Variants in SYNPO2 observed in about 807,000 individuals in gnomAD.
SYNPO2 encodes the protein synaptopodin-2.
Under a neutral mutation model 85.0 loss-of-function variants are expected in SYNPO2, and 56 were observed. That is an observed-to-expected ratio of 0.66 (90% CI 0.53 to 0.82). The LOEUF is 0.82. Ranked by LOEUF, SYNPO2 falls within the 40% of genes least tolerant of loss-of-function variation. SYNPO2 has a pLI of 0.00. For missense variants in SYNPO2, 1,575 were observed against 1,534.2 expected, an observed-to-expected ratio of 1.03 and a Z score of -0.44; for synonymous variants, 602 against 591.1, an observed-to-expected ratio of 1.02 and a Z score of -0.27.
intron 1 of SYNPO2, among the ~76,000 whole-genome samples, chr4:119,007,395 CA>C (rs1489799464): frequency 1.4e-5 from 2 of 143,896 alleles, no homozygotes; most frequent in Non-Finnish European, 3.0e-5. Context: ...ATGTTAAAAA[CA>C]AAAACAAAAA....
At chr4:118,975,545 G>C (rs1057053352) in intron 1 of SYNPO2, among the ~76,000 whole-genome samples, 19 of 152,180 alleles carry the variant, frequency 1.2e-4, no homozygotes, top group African/African-American at 4.3e-4. Context: ...CGAAATTCAA[G>C]AGCAGGACTT....
intron 1 of SYNPO2, among the ~76,000 whole-genome samples, chr4:118,903,513 G>A (rs1193665425): frequency 6.6e-6 from 1 of 152,188 alleles, no homozygotes; most frequent in Non-Finnish European, 1.5e-5. Flanking sequence ...ACAAAAGCCA[G>A]ATGGAACAAC....
chr4:119,051,391 G>A (rs1319264933), intron 4 of SYNPO2, among the ~76,000 whole-genome samples: 1 of 150,734 alleles, frequency 6.6e-6, no homozygotes, highest in Non-Finnish European at 1.5e-5. Flanking sequence ...GGGTTTCACC[G>A]TTTTTTAGCC....
intron 2 of SYNPO2, 52 bp downstream of exon 2, chr4:119,023,633 G>T: frequency 1.3e-6 from 2 of 1,570,310 alleles, no homozygotes; most frequent in South Asian, 2.4e-5. Context: ...ACATGGGAAT[G>T]ATTATAGCTT....
In SYNPO2 at chr4:119,026,909, A is replaced by G. The variant is rs775663158; in HGVS notation, c.540A>G (p.Glu180=). The G allele has an allele frequency of 6.2e-7, 1 of 1,614,202 alleles. No individual in the cohort carries two copies. The highest frequency in any genetic ancestry group is 2.2e-5 in the East Asian group (1 of 44,872). ...ACTCCCAAAGAGGACGCGTGGCAGA[A>G]GAGCTGATCTTAAGGGAGAAGGTAG... ...MPDSQRGRVA[E]ELILREKVEA... The change falls in exon 3 of 5, where the codon GAA becomes GAG. Residue 180 remains glutamate (E), a synonymous_variant. Transcript: ENST00000307142.
At chr4:118,858,154 A>AGATGGG (rs1485888262) in intron 1 of SYNPO2, among the ~76,000 whole-genome samples, 1 of 152,164 alleles carries the variant, frequency 6.6e-6, no homozygotes, top group African/African-American at 2.4e-5. Context: ...GCCTGGCCCT[A>AGATGGG]GATGGTGACA....
chr4:118,904,214 A>G (rs1246184463), intron 1 of SYNPO2, among the ~76,000 whole-genome samples: 1 of 151,398 alleles, frequency 6.6e-6, no homozygotes, highest in Non-Finnish European at 1.5e-5. Flanking sequence ...CAAATCACTT[A>G]GTACTTAGAA....
At chr4:118,869,815 T>A (rs951692567) in intron 1 of SYNPO2, among the ~76,000 whole-genome samples, 1 of 152,194 alleles carries the variant, frequency 6.6e-6, no homozygotes, top group South Asian at 2.1e-4. Flanking sequence ...AGAGCTGAAA[T>A]GAAATCTCAG....
intron 1 of SYNPO2, among the ~76,000 whole-genome samples, chr4:118,915,826 C>G (rs1016605099): frequency 1.3e-5 from 2 of 152,134 alleles, no homozygotes; most frequent in Admixed American, 1.3e-4. Context: ...GGCTCTACAA[C>G]TTCTTAATGC....
intron 1 of SYNPO2, among the ~76,000 whole-genome samples, chr4:118,956,871 T>A: frequency 6.6e-6 from 1 of 151,858 alleles, no homozygotes; most frequent in East Asian, 1.9e-4. Flanking sequence ...ATGGTGAAAC[T>A]CCGTCTCTAC....
intron 1 of SYNPO2, among the ~76,000 whole-genome samples, chr4:118,906,990 T>C (rs1387171198): frequency 6.6e-6 from 1 of 151,734 alleles, no homozygotes; most frequent in Admixed American, 6.6e-5. Context: ...TTTTTTTCTA[T>C]TTTTTGTAGA....
At chr4:119,008,437 T>C (rs1737163276) in intron 1 of SYNPO2, among the ~76,000 whole-genome samples, 1 of 136,774 alleles carries the variant, frequency 7.3e-6, no homozygotes, top group South Asian at 2.1e-4. Context: ...TGCACAGGCT[T>C]TTTTTTTTTT....
Position 119,031,818 on chromosome 4 carries a change from T to C in SYNPO2, c.3043T>C (p.Ser1015Pro). Residue 1015 changes from serine to proline, a missense_variant, in exon 4 of 5, where the codon TCA becomes CCA. Transcript: ENST00000307142. Reference protein sequence around the residue: ...ALPPRPVNAASPTNVQASSVY... With the variant: ...ALPPRPVNAAPPTNVQASSVY... ...TCCTCCCCGGCCAGTGAATGCTGCCTCACCTACGAATGTGCAGGCTTCGTC... is the reference window on the plus strand; with the variant it reads ...TCCTCCCCGGCCAGTGAATGCTGCCCCACCTACGAATGTGCAGGCTTCGTC... 6.2e-7 allele frequency: 1 copy of C among 1,614,224 alleles called. No individual in the cohort carries two copies. Among genetic ancestry groups the C allele is most frequent in the Non-Finnish European group, 8.5e-7 (1 of 1,180,038 alleles).
chr4:119,027,587 A>C, intron 3 of SYNPO2, 149 bp downstream of exon 3: 2 of 817,370 alleles, frequency 2.4e-6, no homozygotes. Context: ...CACAAATGTG[A>C]AATTGTGGAG....
chr4:118,900,720 T>TATAC (rs1732717844), intron 1 of SYNPO2, among the ~76,000 whole-genome samples: 1 of 126,358 alleles, frequency 7.9e-6, no homozygotes, highest in Admixed American at 8.2e-5. Flanking sequence ...TATATATATA[T>TATAC]ATATATATAT....
At chr4:118,865,715 T>A (rs1037983702) in intron 1 of SYNPO2, among the ~76,000 whole-genome samples, 9 of 151,994 alleles carry the variant, frequency 5.9e-5, no homozygotes, top group Non-Finnish European at 1.0e-4. Flanking sequence ...AGGAGGGAGA[T>A]GAAAGAATAA....
chr4:119,004,828 T>G (rs1736967168), intron 1 of SYNPO2, among the ~76,000 whole-genome samples: 1 of 152,074 alleles, frequency 6.6e-6, no homozygotes, highest in Non-Finnish European at 1.5e-5. Flanking sequence ...ATTGAACTAG[T>G]TTACAGTCCC....
chr4:119,001,233 GA>G (rs1371161368), intron 1 of SYNPO2, among the ~76,000 whole-genome samples: 2 of 151,736 alleles, frequency 1.3e-5, no homozygotes, highest in Admixed American at 6.6e-5. Flanking sequence ...TCAATTGACA[GA>G]AAAAAAATGG....
chr4:118,881,613 G>A (rs557299166), intron 1 of SYNPO2, among the ~76,000 whole-genome samples: 1 of 152,336 alleles, frequency 6.6e-6, no homozygotes, highest in African/African-American at 2.4e-5. Context: ...GCTGGGGAGC[G>A]TCCCCTTACG....
Sources: allele counts gnomAD v4.1 joint callset (sites outside exome capture counted in the v4.1 genomes callset), GRCh38; gene constraint gnomAD v4.1.1; transcripts MANE v1.5; gene names NCBI Gene and HGNC (gene_info 2026-07-23, HGNC 2026-07-21).